Variants in PPFIBP1 observed in about 807,000 individuals in gnomAD.
PPFIBP1 encodes the protein PPFIB scaffold protein 1, also known as liprin-beta-1.
In PPFIBP1, 112 loss-of-function variants were observed where a neutral mutation model predicts 137.8. That is an observed-to-expected ratio of 0.81 (90% CI 0.70 to 0.95). The LOEUF (loss-of-function observed/expected upper bound fraction) is 0.95. Among genes scored for constraint, PPFIBP1 ranks in the 40% least tolerant of loss-of-function variants. The probability of loss-of-function intolerance (pLI) is 0.00; values close to 1 mark genes in which losing one functional copy is unlikely to be tolerated. For missense variants in PPFIBP1, 1,083 were observed against 1,196.6 expected, an observed-to-expected ratio of 0.91 and a Z score of 1.40; for synonymous variants, 378 against 417.3, an observed-to-expected ratio of 0.91 and a Z score of 1.15.
Position 27,622,816 on chromosome 12 carries a change from C to T in PPFIBP1, c.-35-10546C>T, listed in dbSNP as rs907461450. On this transcript the variant is annotated intron_variant, in intron 2 of 29. Transcript: ENST00000228425. ...GAATAATCAAATCAAAATTTTCACA[C>T]GATAATGCTTAACCTTTACTCCTGA... Among the ~76,000 whole-genome samples, 7 of 152,152 alleles carry T rather than the reference C, an allele frequency of 4.6e-5. No individual in the cohort carries two copies. In the East Asian group the frequency reaches 5.8e-4, roughly 13 times the overall value.
intron 2 of PPFIBP1, among the ~76,000 whole-genome samples, chr12:27,625,713 A>G (rs544004382): frequency 1.3e-5 from 2 of 151,768 alleles, no homozygotes; most frequent in South Asian, 4.2e-4. Context: ...CCTCCCGAGT[A>G]GCTGGGACTA....
chr12:27,663,431 CA>C (rs1159813013), intron 11 of PPFIBP1, among the ~76,000 whole-genome samples: 3 of 152,046 alleles, frequency 2.0e-5, no homozygotes, highest in African/African-American at 7.3e-5. Flanking sequence ...GGAAGTTCAA[CA>C]GCTATCTGGT....
chr12:27,676,624 C>T (rs1005142722), intron 18 of PPFIBP1, 25 bp downstream of exon 18: 13 of 1,516,888 alleles, frequency 8.6e-6, no homozygotes, highest in Non-Finnish European at 1.1e-5. Flanking sequence ...AATGCCTTTG[C>T]CCTAATTCTT....
intron 4 of PPFIBP1, among the ~76,000 whole-genome samples, chr12:27,644,131 C>A (rs866672254): frequency 3.9e-5 from 6 of 151,984 alleles, no homozygotes; most frequent in Non-Finnish European, 7.4e-5. Context: ...GCCTGGAGTG[C>A]AGTGGCGCAA....
At position 27,647,933 on chromosome 12, in the gene PPFIBP1, G is replaced by C. The variant is rs746235034; in HGVS notation, c.471+91G>C. ...ATGTTGTGTTTGCTCTGATGCAGCA[G>C]TAAGTTTCTTGATTCATTTAGACCA... On this transcript the variant is annotated intron_variant, in intron 6 of 29. Transcript: ENST00000228425. 7 of 1,434,998 alleles carry C rather than the reference G, an allele frequency of 4.9e-6. No individual in the cohort carries two copies. The Admixed American group carries it at 1.1e-4, about 22-fold the overall frequency. 88.9% of individuals were successfully genotyped at this position (1,434,998 alleles called of 1,614,324 possible). A position where few individuals can be genotyped will look rare whatever the true frequency, so the allele number is the denominator to read the frequency against.
chr12:27,591,672 A>C (rs1477213600), intron 2 of PPFIBP1, among the ~76,000 whole-genome samples: 1 of 152,202 alleles, frequency 6.6e-6, no homozygotes, highest in Non-Finnish European at 1.5e-5. Flanking sequence ...ATAAACTCTC[A>C]CACTAACCCT....
At chr12:27,569,666 C>T (rs1160344675) in intron 1 of PPFIBP1, among the ~76,000 whole-genome samples, 1 of 152,174 alleles carries the variant, frequency 6.6e-6, no homozygotes. Flanking sequence ...TCAAGCAATT[C>T]TCCTGCCTCA....
chr12:27,663,596 T>G (rs971524885), intron 11 of PPFIBP1, among the ~76,000 whole-genome samples: 3 of 152,126 alleles, frequency 2.0e-5, no homozygotes, highest in African/African-American at 7.2e-5. Context: ...ATCCCAGCAC[T>G]TCAGGAGGCC....
chr12:27,689,891 C>T (rs947623583), intron 27 of PPFIBP1, among the ~76,000 whole-genome samples: 3 of 152,176 alleles, frequency 2.0e-5, no homozygotes, highest in Admixed American at 2.0e-4. Context: ...CCTTCTTCCC[C>T]TCTTTATCAG....
Position 27,568,575 on chromosome 12 carries a change from C to T in PPFIBP1, c.-123-9577C>T, listed in dbSNP as rs151204192. Among the ~76,000 whole-genome samples the T allele has an allele frequency of 1.8e-3, 278 of 152,304 alleles. 2 individuals carry two copies. In the South Asian group the frequency reaches 0.032, roughly 18 times the overall value. ...TATGATGCCAGGATGTTCTCAATCA[C>T]GGAGTGCTTGTGGGTGTAGTGGGTC... On this transcript the variant is annotated intron_variant, in intron 1 of 29. Transcript: ENST00000228425.
chr12:27,551,409 C>G (rs142999859), intron 1 of PPFIBP1, among the ~76,000 whole-genome samples: 47 of 152,274 alleles, frequency 3.1e-4, no homozygotes, highest in African/African-American at 1.1e-3. Flanking sequence ...CTGGCATTAG[C>G]TAGTAGGAAC....
intron 2 of PPFIBP1, among the ~76,000 whole-genome samples, chr12:27,596,638 C>T (rs2053346910): frequency 1.3e-5 from 2 of 152,212 alleles, no homozygotes; most frequent in Non-Finnish European, 2.9e-5. Context: ...CTTCCTCAGC[C>T]TCCCAGGTAG....
At chr12:27,661,081 A>AG in intron 11 of PPFIBP1, 136 bp downstream of exon 11, 1 of 1,317,610 alleles carries the variant, frequency 7.6e-7, no homozygotes, top group Non-Finnish European at 1.0e-6. Flanking sequence ...AGGTGTGCAC[A>AG]CTCCCAGGTG....
intron 1 of PPFIBP1, among the ~76,000 whole-genome samples, chr12:27,551,851 A>G (rs530535946): frequency 1.3e-5 from 2 of 152,376 alleles, no homozygotes; most frequent in East Asian, 3.9e-4. Flanking sequence ...ATGGATAGAT[A>G]TCCTGTCATT....
chr12:27,595,885 A>ACAACAACAAC (rs745567082), intron 2 of PPFIBP1, among the ~76,000 whole-genome samples: 24 of 116,294 alleles, frequency 2.1e-4, no homozygotes, highest in Admixed American at 1.5e-3. Flanking sequence ...AACAACAACA[A>ACAACAACAAC]AATATATATA....
chr12:27,569,132 G>A (rs917543687), intron 1 of PPFIBP1, among the ~76,000 whole-genome samples: 2 of 152,156 alleles, frequency 1.3e-5, no homozygotes, highest in African/African-American at 4.8e-5. Flanking sequence ...ATCCTCTGGT[G>A]TGGTCTCCAG....
At chr12:27,605,310 A>C (rs2054414827) in intron 2 of PPFIBP1, among the ~76,000 whole-genome samples, 1 of 152,188 alleles carries the variant, frequency 6.6e-6, no homozygotes, top group African/African-American at 2.4e-5. Flanking sequence ...TTTAAAACCT[A>C]CCAAGAGCAA....
chr12:27,544,317 A>G (rs1945992685), intron 1 of PPFIBP1, among the ~76,000 whole-genome samples: 1 of 152,202 alleles, frequency 6.6e-6, no homozygotes. Flanking sequence ...ACTAAAAAAT[A>G]TGCCTAGTGA....
chr12:27,571,386 G>A (rs114373322), intron 1 of PPFIBP1, among the ~76,000 whole-genome samples: 2,497 of 152,186 alleles, frequency 0.016, 66 homozygotes, highest in African/African-American at 0.057. Context: ...ATTGTCAATT[G>A]CCAATTTACC....
Sources: allele counts gnomAD v4.1 joint callset (sites outside exome capture counted in the v4.1 genomes callset), GRCh38; gene constraint gnomAD v4.1.1; transcripts MANE v1.5; gene names NCBI Gene and HGNC (gene_info 2026-07-23, HGNC 2026-07-21).